The following ROBO1 variants were observed in gnomAD, a reference collection of about 807,000 sequenced individuals.
The protein encoded by ROBO1 is roundabout guidance receptor 1, also known as roundabout homolog 1.
Under a neutral mutation model 195.9 loss-of-function variants are expected in ROBO1, and 149 were observed. That is an observed-to-expected ratio of 0.76 (90% CI 0.67 to 0.87). The LOEUF is 0.87. ROBO1 is among the 40% of genes least tolerant of loss of function. The pLI is 0.00. For synonymous variants in ROBO1, 816 were observed against 733.2 expected, an observed-to-expected ratio of 1.11 and a Z score of -1.82; for missense variants, 1,933 against 2,068.3, an observed-to-expected ratio of 0.93 and a Z score of 1.27.
chr3:79,764,969 T>C (rs1485110562), intron 1 of ROBO1, among the ~76,000 whole-genome samples: 1 of 152,182 alleles, frequency 6.6e-6, no homozygotes, highest in East Asian at 1.9e-4. Flanking sequence ...AGCTCAGTGC[T>C]ATATCACTGG....
At chr3:78,960,411 T>C (rs1280497847) in intron 3 of ROBO1, among the ~76,000 whole-genome samples, 1 of 150,674 alleles carries the variant, frequency 6.6e-6, no homozygotes, top group African/African-American at 2.4e-5. Flanking sequence ...TATTTCTATG[T>C]ATTATACATA....
At chr3:79,356,692 T>C (rs1559841794) in intron 2 of ROBO1, among the ~76,000 whole-genome samples, 1 of 152,210 alleles carries the variant, frequency 6.6e-6, no homozygotes, top group Non-Finnish European at 1.5e-5. Flanking sequence ...TCATTGAAGA[T>C]ACCAGTATCT....
chr3:79,306,028 A>C (rs1425552759), intron 2 of ROBO1, among the ~76,000 whole-genome samples: 2 of 152,218 alleles, frequency 1.3e-5, no homozygotes, highest in Non-Finnish European at 2.9e-5. Context: ...GCAGATGCTT[A>C]AAATTAGTAA....
At chr3:78,902,904 G>C (rs1173859137) in intron 4 of ROBO1, among the ~76,000 whole-genome samples, 1 of 152,100 alleles carries the variant, frequency 6.6e-6, no homozygotes, top group Non-Finnish European at 1.5e-5. Flanking sequence ...TACTGGTACT[G>C]TCCAAAAATT....
intron 1 of ROBO1, among the ~76,000 whole-genome samples, chr3:79,761,022 T>C (rs1704670096): frequency 6.7e-6 from 1 of 149,210 alleles, no homozygotes; most frequent in Non-Finnish European, 1.5e-5. Flanking sequence ...ACATAAAATA[T>C]AATACATATT....
chr3:79,015,218 T>C (rs1258366458), intron 3 of ROBO1, among the ~76,000 whole-genome samples: 1 of 152,138 alleles, frequency 6.6e-6, no homozygotes, highest in Non-Finnish European at 1.5e-5. Context: ...CCAGAAAGGT[T>C]ATAAAGAAAC....
At chr3:79,506,648 T>C (rs547881937) in intron 2 of ROBO1, among the ~76,000 whole-genome samples, 1 of 152,302 alleles carries the variant, frequency 6.6e-6, no homozygotes, top group East Asian at 1.9e-4. Flanking sequence ...TTTCACCATG[T>C]TGGCCAGGAT....
At chr3:79,758,965 T>G (rs1704552751) in intron 1 of ROBO1, among the ~76,000 whole-genome samples, 1 of 152,232 alleles carries the variant, frequency 6.6e-6, no homozygotes, top group African/African-American at 2.4e-5. Flanking sequence ...ATTATTGGTA[T>G]GAATATAATT....
At chr3:79,206,482 T>C (rs2081869979) in intron 2 of ROBO1, among the ~76,000 whole-genome samples, 1 of 152,106 alleles carries the variant, frequency 6.6e-6, no homozygotes, top group African/African-American at 2.4e-5. Context: ...CGAATCCATA[T>C]GTGAAATTAT....
rs747001468 is a variant in ROBO1 at position 78,661,095 on chromosome 3, C to A, written c.2255G>T (p.Arg752Leu). 6.2e-7 allele frequency: 1 copy of A among 1,613,348 alleles called. No homozygotes were observed. The highest frequency in any genetic ancestry group is 1.1e-5 in the South Asian group (1 of 90,976). ...TCCTTGAAATTCATTAAAAAAAGGG[C>A]GAGCCTTAATTTCATAGTTGACTCC... is the stretch of plus-strand genomic sequence containing the variant. ...RKGVNYEIKARPFFNEFQGAD... is the reference protein window; with the variant it reads ...RKGVNYEIKALPFFNEFQGAD... Residue 752 changes from arginine to leucine, a missense_variant, in exon 16 of 31, where the codon CGC (arginine) becomes CTC (leucine). Around this residue, in one of 3 missense-constraint regions of ROBO1, gnomAD observed 1,737 missense variants for 1,882.5 expected, o/e 0.92. Transcript: ENST00000464233.
At chr3:79,479,122 A>G (rs1209176875) in intron 2 of ROBO1, among the ~76,000 whole-genome samples, 1 of 152,188 alleles carries the variant, frequency 6.6e-6, no homozygotes, top group African/African-American at 2.4e-5. Flanking sequence ...TTATTGCACA[A>G]ATCAAGAAAT....
At chr3:79,303,960 G>T (rs1479862041) in intron 2 of ROBO1, among the ~76,000 whole-genome samples, 2 of 152,098 alleles carry the variant, frequency 1.3e-5, no homozygotes, top group Admixed American at 1.3e-4. Flanking sequence ...ACTGTCAAAT[G>T]TTCTCATGAA....
intron 2 of ROBO1, among the ~76,000 whole-genome samples, chr3:79,341,599 CTCCCAGTTAGCT>C (rs2109225701): frequency 6.6e-6 from 1 of 152,154 alleles, no homozygotes; most frequent in African/African-American, 2.4e-5. Flanking sequence ...CCAAGTTAGC[CTCCCAGTTAGCT>C]GGGATTACAG....
intron 2 of ROBO1, among the ~76,000 whole-genome samples, chr3:79,467,566 C>T (rs555910189): frequency 1.8e-4 from 27 of 152,048 alleles, no homozygotes; most frequent in African/African-American, 6.5e-4. Context: ...AGGAGATTGG[C>T]TGTGGGACAG....
intron 2 of ROBO1, among the ~76,000 whole-genome samples, chr3:79,459,874 C>A (rs913077701): frequency 2.0e-5 from 3 of 151,690 alleles, no homozygotes; most frequent in African/African-American, 7.3e-5. Flanking sequence ...TTGGTGAATT[C>A]TTTTTTTTGC....
At chr3:79,750,401 G>A (rs1704082635) in intron 1 of ROBO1, among the ~76,000 whole-genome samples, 1 of 152,126 alleles carries the variant, frequency 6.6e-6, no homozygotes, top group South Asian at 2.1e-4. Context: ...TAAAGCTCTG[G>A]GGGACTGTTA....
intron 2 of ROBO1, among the ~76,000 whole-genome samples, chr3:79,350,912 C>T (rs2035316618): frequency 6.6e-6 from 1 of 151,964 alleles, no homozygotes; most frequent in Non-Finnish European, 1.5e-5. Context: ...GTACTACAGC[C>T]CCTAACTCCT....
chr3:79,663,244 A>G (rs1028870734), intron 1 of ROBO1, among the ~76,000 whole-genome samples: 2 of 152,056 alleles, frequency 1.3e-5, no homozygotes, highest in Non-Finnish European at 2.9e-5. Flanking sequence ...ACACTTCTAT[A>G]CCATTAATAA....
At chr3:79,279,274 TAAAC>T (rs956426829) in intron 2 of ROBO1, among the ~76,000 whole-genome samples, 38 of 151,228 alleles carry the variant, frequency 2.5e-4, no homozygotes, top group Middle Eastern at 3.4e-3. Flanking sequence ...CTAAAAAAAA[TAAAC>T]AAACAAACAA....
Sources: allele counts gnomAD v4.1 joint callset (sites outside exome capture counted in the v4.1 genomes callset), GRCh38; gene constraint gnomAD v4.1.1; regional missense constraint gnomAD v4.1.1; transcripts MANE v1.5; gene names NCBI Gene and HGNC (gene_info 2026-07-23, HGNC 2026-07-21).